KIAA0825: variants seen among roughly 807,000 people sequenced by gnomAD.
The protein encoded by KIAA0825 is uncharacterized protein KIAA0825.
Under a neutral mutation model 147.6 loss-of-function variants are expected in KIAA0825, and 119 were observed. The ratio of observed to expected loss-of-function variants is 0.81; its 90% CI spans 0.69 to 0.94. KIAA0825 has a LOEUF of 0.94. Among genes scored for constraint, KIAA0825 ranks in the 40% least tolerant of loss-of-function variants. The pLI is 0.00. For synonymous variants in KIAA0825, 470 were observed against 518.1 expected, an observed-to-expected ratio of 0.91 and a Z score of 1.26; for missense variants, 1,381 against 1,472.7, an observed-to-expected ratio of 0.94 and a Z score of 1.02.
chr5:94,384,561 G>A, intron 19 of KIAA0825, 103 bp from the exon 20 acceptor site: 2 of 888,878 alleles, frequency 2.3e-6, no homozygotes, highest in Admixed American at 2.1e-5. Flanking sequence ...TAAGAAGGAG[G>A]GGGGTCCAGA....
intron 17 of KIAA0825, among the ~76,000 whole-genome samples, chr5:94,394,250 T>TA (rs1189182499): frequency 6.6e-6 from 1 of 152,202 alleles, no homozygotes; most frequent in Non-Finnish European, 1.5e-5. Context: ...TAAATAACTT[T>TA]AAAAAACTAT....
intron 5 of KIAA0825, among the ~76,000 whole-genome samples, chr5:94,502,085 C>T (rs1250903393): frequency 1.3e-5 from 2 of 152,012 alleles, no homozygotes; most frequent in South Asian, 2.1e-4. Context: ...TGTAAGGGTA[C>T]ACACCAAACT....
At chr5:94,230,473 C>A (rs1194365569) in intron 20 of KIAA0825, among the ~76,000 whole-genome samples, 1 of 152,124 alleles carries the variant, frequency 6.6e-6, no homozygotes, top group Non-Finnish European at 1.5e-5. Flanking sequence ...TTGTAAGATT[C>A]TCTTTTCCAG....
At chr5:94,191,253 C>T (rs1770653975) in intron 20 of KIAA0825, among the ~76,000 whole-genome samples, 1 of 152,014 alleles carries the variant, frequency 6.6e-6, no homozygotes, top group African/African-American at 2.4e-5. Context: ...AAAAATATTC[C>T]TGTGATTAAA....
chr5:94,496,382 A>G (rs1764357866), intron 5 of KIAA0825, among the ~76,000 whole-genome samples: 2 of 152,222 alleles, frequency 1.3e-5, no homozygotes, highest in Admixed American at 1.3e-4. Flanking sequence ...ATGGGCTGCA[A>G]AGCCTAAAAT....
intron 20 of KIAA0825, among the ~76,000 whole-genome samples, chr5:94,167,740 T>G (rs1176425473): frequency 6.6e-6 from 1 of 152,018 alleles, no homozygotes; most frequent in Non-Finnish European, 1.5e-5. Context: ...TAATGATAGA[T>G]TGGGCTATTC....
Position 94,471,607 on chromosome 5 carries a change from A to G in KIAA0825, c.1580T>C (p.Val527Ala), listed in dbSNP as rs1761221835. The G allele has an allele frequency of 6.4e-7, 1 of 1,551,952 alleles. No individual in the cohort carries two copies. Among genetic ancestry groups the G allele is most frequent in the East Asian group, 2.4e-5 (1 of 40,924 alleles). ...VEACCKVATAVLQRLQERAKE... is the reference protein window; with the variant it reads ...VEACCKVATAALQRLQERAKE... ...GGCTCTCTCTTGCAGTCTCTGCAGG[A>G]CAGCTGTTGCCACTTTACAACAGGC... The change falls in exon 9 of 21, where the codon GTC (valine) becomes GCC (alanine). Residue 527 changes from valine (V) to alanine (A), a missense_variant. Coordinates refer to ENST00000682413, the MANE Select transcript of KIAA0825 (RefSeq NM_001145678.3).
At chr5:94,264,773 A>G (rs1182376174) in intron 20 of KIAA0825, among the ~76,000 whole-genome samples, 1 of 150,188 alleles carries the variant, frequency 6.7e-6, no homozygotes, top group African/African-American at 2.4e-5. Context: ...TTCATTACAC[A>G]TACATACACA....
intron 12 of KIAA0825, among the ~76,000 whole-genome samples, chr5:94,460,894 GA>G (rs1759735278): frequency 1.3e-5 from 2 of 151,872 alleles, no homozygotes; most frequent in South Asian, 4.1e-4. Context: ...TATTTTAAAA[GA>G]ATTAAAGTAT....
At chr5:94,577,815 C>T (rs183222852) in intron 2 of KIAA0825, among the ~76,000 whole-genome samples, 1 of 152,258 alleles carries the variant, frequency 6.6e-6, no homozygotes, top group African/African-American at 2.4e-5. Flanking sequence ...CTTTATTTTT[C>T]TGTATTACTT....
intron 5 of KIAA0825, among the ~76,000 whole-genome samples, chr5:94,488,939 G>C (rs1002692259): frequency 1.3e-5 from 2 of 152,138 alleles, no homozygotes; most frequent in South Asian, 2.1e-4. Flanking sequence ...TATCAACACA[G>C]ATCTACTCAC....
chr5:94,374,597 G>C (rs986628974), intron 20 of KIAA0825, among the ~76,000 whole-genome samples: 1 of 152,166 alleles, frequency 6.6e-6, no homozygotes, highest in East Asian at 1.9e-4. Flanking sequence ...TATAGCCAGT[G>C]TCTGAGCAAG....
intron 1 of KIAA0825, among the ~76,000 whole-genome samples, chr5:94,592,592 G>T (rs1428610886): frequency 3.9e-5 from 6 of 152,158 alleles, no homozygotes; most frequent in Non-Finnish European, 8.8e-5. Context: ...GGAGCCTCCA[G>T]AAAAGTTGCA....
intron 13 of KIAA0825, among the ~76,000 whole-genome samples, chr5:94,440,336 C>T (rs985276752): frequency 1.3e-5 from 2 of 152,082 alleles, no homozygotes; most frequent in Admixed American, 1.3e-4. Flanking sequence ...TGGTACCTTG[C>T]CAAATTTAAA....
At chr5:94,183,711 C>T (rs2149983173) in intron 20 of KIAA0825, among the ~76,000 whole-genome samples, 1 of 152,264 alleles carries the variant, frequency 6.6e-6, no homozygotes, top group East Asian at 1.9e-4. Context: ...TGAACACATC[C>T]ACATGCCAGG....
chr5:94,247,347 AG>A (rs1460598514), intron 20 of KIAA0825, among the ~76,000 whole-genome samples: 6 of 152,312 alleles, frequency 3.9e-5, no homozygotes, highest in Middle Eastern at 3.4e-3. Flanking sequence ...TTGTAGACAA[AG>A]AACAGAGCAA....
At chr5:94,329,926 G>A (rs899338971) in intron 20 of KIAA0825, among the ~76,000 whole-genome samples, 2 of 152,070 alleles carry the variant, frequency 1.3e-5, no homozygotes, top group African/African-American at 4.8e-5. Context: ...ACAGATACTG[G>A]GTGAGTTCTG....
At chr5:94,376,891 C>T (rs1172442163) in intron 20 of KIAA0825, among the ~76,000 whole-genome samples, 4 of 152,118 alleles carry the variant, frequency 2.6e-5, no homozygotes, top group Non-Finnish European at 5.9e-5. Flanking sequence ...ATAACCAGGC[C>T]GCCTGCTGCT....
At chr5:94,534,627 A>T (rs1417625297) in intron 3 of KIAA0825, among the ~76,000 whole-genome samples, 1 of 152,114 alleles carries the variant, frequency 6.6e-6, no homozygotes, top group Non-Finnish European at 1.5e-5. Context: ...CTGAGTTTTG[A>T]CCTAATAACT....
Sources: allele counts gnomAD v4.1 joint callset (sites outside exome capture counted in the v4.1 genomes callset), GRCh38; gene constraint gnomAD v4.1.1; transcripts MANE v1.5; gene names NCBI Gene and HGNC (gene_info 2026-07-23, HGNC 2026-07-21).